MYO9A: variants seen among roughly 807,000 people sequenced by gnomAD.
MYO9A encodes the protein unconventional myosin-IXa.
Under a neutral mutation model 293.3 loss-of-function variants are expected in MYO9A, and 103 were observed. The ratio of observed to expected loss-of-function variants is 0.35; its 90% CI spans 0.30 to 0.41. The LOEUF (loss-of-function observed/expected upper bound fraction) is 0.41, where lower values mean the gene tolerates loss of function less well. MYO9A is among the 10% of genes least tolerant of loss of function. MYO9A has a pLI of 1.00. For synonymous variants in MYO9A, 1,001 were observed against 1,035.7 expected, an observed-to-expected ratio of 0.97 and a Z score of 0.64; for missense variants, 2,685 against 3,033.0, an observed-to-expected ratio of 0.89 and a Z score of 2.69.
At chr15:72,019,740 G>A (rs1396126280) in intron 5 of MYO9A, among the ~76,000 whole-genome samples, 1 of 152,066 alleles carries the variant, frequency 6.6e-6, no homozygotes, top group Non-Finnish European at 1.5e-5. Flanking sequence ...GAAAGCCAAA[G>A]GTATAACTTT....
At chr15:71,844,764 T>C (rs756225999) in intron 39 of MYO9A, among the ~76,000 whole-genome samples, 9 of 152,146 alleles carry the variant, frequency 5.9e-5, no homozygotes, top group Middle Eastern at 6.8e-3. Flanking sequence ...ATACTATAAA[T>C]CGAAGTAAGC....
At chr15:72,071,323 T>C (rs750342304) in intron 1 of MYO9A, among the ~76,000 whole-genome samples, 9 of 151,588 alleles carry the variant, frequency 5.9e-5, no homozygotes, top group Admixed American at 2.0e-4. Context: ...ATCAGGGAAA[T>C]GCAAATTAAA....
chr15:71,857,577 T>A (rs895359760), intron 34 of MYO9A, among the ~76,000 whole-genome samples: 5 of 152,302 alleles, frequency 3.3e-5, no homozygotes, highest in African/African-American at 1.2e-4. Context: ...ATTATATAAA[T>A]GGAAAAACAG....
chr15:72,098,097 C>T (rs148773088), intron 1 of MYO9A, among the ~76,000 whole-genome samples: 1 of 152,172 alleles, frequency 6.6e-6, no homozygotes, highest in Non-Finnish European at 1.5e-5. Context: ...CCCACACATA[C>T]TTTTACAATG....
In MYO9A at chr15:72,028,330, T is replaced by C. The variant is rs2077747703; in HGVS notation, c.936-537A>G. Among the ~76,000 whole-genome samples the C allele has an allele frequency of 2.0e-5, 3 of 149,876 alleles. No homozygotes were observed. In the South Asian group the frequency reaches 6.3e-4, roughly 32 times the overall value. ...TCATATGGTCACGAGTCTTTTTTCT[T>C]TCACTAAAGCAAAATAAAATAAGAA... On this transcript the variant is annotated intron_variant, in intron 3 of 41. Coordinates refer to ENST00000356056, the MANE Select transcript of MYO9A (RefSeq NM_006901.4).
intron 1 of MYO9A, among the ~76,000 whole-genome samples, chr15:72,073,871 G>C (rs2079266900): frequency 6.6e-6 from 1 of 152,020 alleles, no homozygotes; most frequent in Non-Finnish European, 1.5e-5. Context: ...GTGTGACCTG[G>C]GACAAGTTAT....
At chr15:71,835,593 A>G (rs1251492990) in intron 39 of MYO9A, among the ~76,000 whole-genome samples, 1 of 152,198 alleles carries the variant, frequency 6.6e-6, no homozygotes, top group African/African-American at 2.4e-5. Context: ...CTCAACGTAC[A>G]AAACTATAAA....
At chr15:71,909,627 T>C (rs919433871) in intron 19 of MYO9A, among the ~76,000 whole-genome samples, 1 of 152,200 alleles carries the variant, frequency 6.6e-6, no homozygotes, top group Non-Finnish European at 1.5e-5. Context: ...CAACTATCTT[T>C]GTACTGCATT....
In MYO9A at chr15:71,893,542, C is replaced by T. The variant is rs55675622; in HGVS notation, c.5142+137G>A. The T allele has an allele frequency of 9.3e-3, 6,420 of 687,450 alleles. 39 individuals carry two copies. The highest frequency in any genetic ancestry group is 0.02 in the Middle Eastern group (58 of 2,850). The allele number at this position is 687,450 out of a possible 1,614,324, so 42.6% of individuals were successfully genotyped here. A position where few individuals can be genotyped will look rare whatever the true frequency, so the allele number is the denominator to read the frequency against. On this transcript the variant is annotated intron_variant, in intron 26 of 41. Transcript: ENST00000356056. Reference sequence around the variant, plus strand: ...ACACCTTCATAATTATAACAATCTCCGCTCATGGCTTCTTTCTCTAAAAAC... The same window carrying T: ...ACACCTTCATAATTATAACAATCTCTGCTCATGGCTTCTTTCTCTAAAAAC...
At chr15:71,866,633 C>G (rs1475023613) in intron 32 of MYO9A, among the ~76,000 whole-genome samples, 2 of 151,946 alleles carry the variant, frequency 1.3e-5, no homozygotes, top group African/African-American at 4.8e-5. Context: ...TGTCAGTTCT[C>G]TCTACATTAA....
chr15:72,023,624 G>C (rs2077569703), intron 4 of MYO9A, among the ~76,000 whole-genome samples: 2 of 151,284 alleles, frequency 1.3e-5, no homozygotes, highest in South Asian at 4.2e-4. Flanking sequence ...GAACCCAGGA[G>C]GCGAAGGTTG....
intron 1 of MYO9A, among the ~76,000 whole-genome samples, chr15:72,109,989 T>A (rs1178432612): frequency 5.0e-5 from 7 of 140,774 alleles, no homozygotes; most frequent in Admixed American, 7.1e-5. Context: ...TCCCTTACAT[T>A]AAAAAAAAAA....
At chr15:71,984,173 GA>G (rs2148106822) in intron 11 of MYO9A, among the ~76,000 whole-genome samples, 1 of 152,342 alleles carries the variant, frequency 6.6e-6, no homozygotes, top group South Asian at 2.1e-4. Context: ...TATTGTGTTA[GA>G]TGATTTTGCC....
chr15:71,997,495 G>A (rs1474631283), intron 9 of MYO9A, among the ~76,000 whole-genome samples: 1 of 152,048 alleles, frequency 6.6e-6, no homozygotes, highest in East Asian at 1.9e-4. Flanking sequence ...AGCTACTCGG[G>A]AGGCTGAAGC....
intron 28 of MYO9A, among the ~76,000 whole-genome samples, chr15:71,880,780 AGAT>A (rs2056849732): frequency 6.6e-6 from 1 of 152,200 alleles, no homozygotes; most frequent in Non-Finnish European, 1.5e-5. Flanking sequence ...TTTCAAAGGG[AGAT>A]GATATCATAT....
chr15:72,027,118 A>G (rs1259519543), intron 4 of MYO9A, among the ~76,000 whole-genome samples: 1 of 152,226 alleles, frequency 6.6e-6, no homozygotes, highest in African/African-American at 2.4e-5. Context: ...TAAGAGTTAT[A>G]TACCCTTATT....
intron 18 of MYO9A, among the ~76,000 whole-genome samples, chr15:71,932,621 C>T (rs2058509581): frequency 6.6e-6 from 1 of 151,626 alleles, no homozygotes; most frequent in Non-Finnish European, 1.5e-5. Context: ...AGACAAACCC[C>T]TTCCAGAAAT....
rs745727977 is a variant in MYO9A, at chr15:72,046,028, A to G, written c.536T>C (p.Val179Ala). The change falls in exon 2 of 42, where the codon GTT (valine) becomes GCT (alanine). Residue 179 changes from valine (V) to alanine (A), a missense_variant. By Grantham distance (64) the Val-to-Ala change is moderately conservative. Coordinates refer to ENST00000356056, the MANE Select transcript of MYO9A (RefSeq NM_006901.4). ...RFKHEKIYTY[V>A]GSILIVINPF... ...GTTAATAACTATTAGAATACTGCCA[A>G]CATAGGTATAAATTTTTTCATGCTT... 6 of 1,613,450 alleles carry G rather than the reference A, an allele frequency of 3.7e-6. No homozygotes were observed. The highest frequency in any genetic ancestry group is 3.3e-5 in the Admixed American group (2 of 59,836).
intron 15 of MYO9A, 59 bp from the exon 16 acceptor site, chr15:71,938,986 A>C (rs890642190): frequency 7.4e-7 from 1 of 1,359,330 alleles, no homozygotes; most frequent in Non-Finnish European, 1.0e-6. Context: ...TGAAACGTGA[A>C]ATAGTTTTTC....
Sources: gnomAD v4.1 joint callset for allele counts (sites outside exome capture counted in the v4.1 genomes callset) on GRCh38, gnomAD v4.1.1 for gene constraint, MANE v1.5 for transcripts, NCBI Gene and HGNC (gene_info 2026-07-23, HGNC 2026-07-21) for gene names.